FARS2: variants seen among roughly 807,000 people sequenced by gnomAD.
FARS2 encodes phenylalanine--tRNA ligase, mitochondrial.
Under a neutral mutation model 46.4 loss-of-function variants are expected in FARS2, and 40 were observed. The ratio of observed to expected loss-of-function variants is 0.86; its 90% CI spans 0.67 to 1.12. The LOEUF (loss-of-function observed/expected upper bound fraction) is 1.12, where lower values mean the gene tolerates loss of function less well. Among genes scored for constraint, FARS2 ranks in the 50% most tolerant of loss-of-function variants. The pLI, the probability that FARS2 is intolerant of heterozygous loss-of-function variation, is 0.00. For missense variants in FARS2, 513 were observed against 567.9 expected, an observed-to-expected ratio of 0.90 and a Z score of 0.98; for synonymous variants, 234 against 214.9, an observed-to-expected ratio of 1.09 and a Z score of -0.78.
chr6:5,642,961 T>TGGCCC lies in FARS2; in HGVS notation c.1217+29642_1217+29646dup, dbSNP rs1776896664. On this transcript the variant is annotated intron_variant, in intron 6 of 6. Transcript: ENST00000274680. ...TGTTCACGCTGGCTGTGGTTGGGTCTGGCCCTGCAATGCAGGACATCTGGA... is the reference window on the plus strand; with the variant it reads ...TGTTCACGCTGGCTGTGGTTGGGTCTGGCCCGGCCCTGCAATGCAGGACATCTGGA... 3.9e-5 allele frequency among the ~76,000 whole-genome samples: 6 copies of TGGCCC among 152,366 alleles called. No homozygotes were observed. The South Asian group carries it at 1.2e-3, about 32-fold the overall frequency.
At chr6:5,512,646 C>T (rs142025168) in intron 4 of FARS2, among the ~76,000 whole-genome samples, 8 of 151,588 alleles carry the variant, frequency 5.3e-5, no homozygotes, top group Non-Finnish European at 1.2e-4. Flanking sequence ...GCCAGGCACC[C>T]GAGATTCAAA....
chr6:5,585,354 T>C (rs1294748672), intron 5 of FARS2, among the ~76,000 whole-genome samples: 1 of 152,154 alleles, frequency 6.6e-6, no homozygotes, highest in Non-Finnish European at 1.5e-5. Flanking sequence ...TCTGCTCTCA[T>C]CAAATTTCAA....
At chr6:5,681,770 A>G (rs1779044951) in intron 6 of FARS2, among the ~76,000 whole-genome samples, 1 of 152,178 alleles carries the variant, frequency 6.6e-6, no homozygotes. Context: ...CAGCTTCCTT[A>G]GAGCTGTTGC....
chr6:5,515,772 A>G (rs1768746241), intron 4 of FARS2, among the ~76,000 whole-genome samples: 1 of 152,210 alleles, frequency 6.6e-6, no homozygotes, highest in Admixed American at 6.5e-5. Context: ...TGATAATTTT[A>G]TAGGACTTTA....
intron 6 of FARS2, among the ~76,000 whole-genome samples, chr6:5,758,293 A>G (rs1009269891): frequency 6.6e-6 from 1 of 152,164 alleles, no homozygotes; most frequent in African/African-American, 2.4e-5. Context: ...TTTAACATAT[A>G]TGGAATATTA....
intron 1 of FARS2, among the ~76,000 whole-genome samples, chr6:5,305,762 C>T (rs1021884321): frequency 1.3e-5 from 2 of 152,142 alleles, no homozygotes; most frequent in East Asian, 1.9e-4. Flanking sequence ...CCCACTATAG[C>T]CCCTACAAGT....
chr6:5,405,480 C>CTTTGTTTTTT (rs1761519320), intron 3 of FARS2, among the ~76,000 whole-genome samples: 1 of 58,946 alleles, frequency 1.7e-5, no homozygotes, highest in African/African-American at 6.5e-5. Flanking sequence ...GAGCAAGGTT[C>CTTTGTTTTTT]TTTTTTTTTT....
chr6:5,679,844 C>T (rs1028431321), intron 6 of FARS2, among the ~76,000 whole-genome samples: 2 of 149,804 alleles, frequency 1.3e-5, no homozygotes, highest in South Asian at 4.3e-4. Flanking sequence ...CCCTCACTTC[C>T]CCCACCCCCA....
In FARS2 at chr6:5,561,265, T is replaced by C. The variant is rs1771968150; in HGVS notation, c.1065+15925T>C. 1.3e-5 allele frequency among the ~76,000 whole-genome samples: 2 copies of C among 152,200 alleles called. 1 individual carries two copies. The highest frequency in any genetic ancestry group is 4.8e-5 in the African/African-American group (2 of 41,424). On this transcript the variant is annotated intron_variant, in intron 5 of 6. Transcript: ENST00000274680. ...ATAATTATTAATATTTTATCAAATT[T>C]TACACACACTGTTTTTTTTGGCATA...
chr6:5,284,691 C>T (rs553360395), intron 1 of FARS2, among the ~76,000 whole-genome samples: 1 of 152,308 alleles, frequency 6.6e-6, no homozygotes, highest in African/African-American at 2.4e-5. Context: ...CCCTTCAACT[C>T]ATCTGTGGCA....
intron 4 of FARS2, among the ~76,000 whole-genome samples, chr6:5,474,704 C>T (rs569368166): frequency 6.8e-5 from 10 of 147,024 alleles, no homozygotes; most frequent in South Asian, 4.3e-4. Flanking sequence ...TCTGTCGCCC[C>T]GGCTGGAGTG....
intron 6 of FARS2, among the ~76,000 whole-genome samples, chr6:5,755,898 G>A (rs765406100): frequency 6.6e-6 from 1 of 152,208 alleles, no homozygotes; most frequent in African/African-American, 2.4e-5. Context: ...ATCCACATGA[G>A]ACACAGACCT....
intron 1 of FARS2, among the ~76,000 whole-genome samples, chr6:5,265,236 T>G (rs1290455730): frequency 1.3e-5 from 2 of 152,182 alleles, no homozygotes; most frequent in East Asian, 3.8e-4. Context: ...GAATGAGAAG[T>G]AAAAGCCAGA....
intron 4 of FARS2, among the ~76,000 whole-genome samples, chr6:5,440,290 T>C (rs1303113290): frequency 4.6e-5 from 7 of 152,202 alleles, no homozygotes; most frequent in African/African-American, 1.7e-4. Context: ...AATCATACTT[T>C]GAATATTTTT....
At chr6:5,548,079 T>G (rs775303428) in intron 5 of FARS2, among the ~76,000 whole-genome samples, 10 of 152,128 alleles carry the variant, frequency 6.6e-5, no homozygotes, top group South Asian at 2.1e-4. Context: ...GAGAAAATGA[T>G]GAAGAAGCAA....
At chr6:5,516,995 C>A (rs1768839022) in intron 4 of FARS2, among the ~76,000 whole-genome samples, 1 of 152,064 alleles carries the variant, frequency 6.6e-6, no homozygotes, top group Non-Finnish European at 1.5e-5. Context: ...GTCTTCTAGC[C>A]TGAGAGACAA....
chr6:5,419,675 G>T (rs1050025577), intron 3 of FARS2, among the ~76,000 whole-genome samples: 13 of 152,116 alleles, frequency 8.5e-5, no homozygotes, highest in Non-Finnish European at 1.5e-4. Context: ...CTATGGCTTG[G>T]ATCCCTAATC....
chr6:5,698,059 G>A (rs565279392), intron 6 of FARS2, among the ~76,000 whole-genome samples: 3 of 152,104 alleles, frequency 2.0e-5, no homozygotes, highest in African/African-American at 7.2e-5. Context: ...GGGAGGACAA[G>A]GGAAGAAAAG....
At chr6:5,445,135 A>G (rs1381869041) in intron 4 of FARS2, among the ~76,000 whole-genome samples, 1 of 152,102 alleles carries the variant, frequency 6.6e-6, no homozygotes, top group Non-Finnish European at 1.5e-5. Flanking sequence ...ACTTGGGTGT[A>G]TATGGTTGGT....
Sources: allele counts gnomAD v4.1 joint callset (sites outside exome capture counted in the v4.1 genomes callset), GRCh38; gene constraint gnomAD v4.1.1; transcripts MANE v1.5; gene names NCBI Gene and HGNC (gene_info 2026-07-23, HGNC 2026-07-21).